Variants in CNTNAP2 observed in about 807,000 individuals in gnomAD.
CNTNAP2 encodes the protein contactin-associated protein-like 2.
Under a neutral mutation model 155.2 loss-of-function variants are expected in CNTNAP2, and 98 were observed. The observed-to-expected ratio is 0.63, with a 90% CI of 0.54 to 0.75. CNTNAP2 has a LOEUF of 0.75. Among genes scored for constraint, CNTNAP2 ranks in the 30% least tolerant of loss-of-function variants. CNTNAP2 has a pLI of 0.00. For synonymous variants in CNTNAP2, 651 were observed against 631.2 expected (o/e 1.03, Z -0.47); for missense variants, 1,727 against 1,688.1 (o/e 1.02, Z -0.40).
intron 13 of CNTNAP2, among the ~76,000 whole-genome samples, chr7:147,693,341 C>G (rs2116994804): frequency 6.6e-6 from 1 of 152,142 alleles, no homozygotes; most frequent in East Asian, 1.9e-4. Context: ...TGCCCCTTTA[C>G]ATAATCTTTA....
chr7:147,658,830 G>A (rs1795570494), intron 13 of CNTNAP2, among the ~76,000 whole-genome samples: 1 of 152,138 alleles, frequency 6.6e-6, no homozygotes, highest in African/African-American at 2.4e-5. Flanking sequence ...CTATAGTTCT[G>A]TTAATGTACT....
intron 3 of CNTNAP2, among the ~76,000 whole-genome samples, chr7:146,849,629 A>C (rs1022267722): frequency 6.6e-6 from 1 of 152,172 alleles, no homozygotes; most frequent in Non-Finnish European, 1.5e-5. Flanking sequence ...AAGCGATATA[A>C]TTGTATTTAC....
chr7:147,694,958 T>C (rs558699336), intron 13 of CNTNAP2, among the ~76,000 whole-genome samples: 1 of 152,186 alleles, frequency 6.6e-6, no homozygotes, highest in Non-Finnish European at 1.5e-5. Context: ...TCTTTTTTTC[T>C]AATATATGCA....
chr7:146,366,462 C>T (rs1259816986), intron 1 of CNTNAP2, among the ~76,000 whole-genome samples: 1 of 151,880 alleles, frequency 6.6e-6, no homozygotes, highest in African/African-American at 2.4e-5. Context: ...GGGAAGAAAC[C>T]GTGTGTCACA....
At chr7:148,177,282 CTG>C (rs757255653) in intron 18 of CNTNAP2, among the ~76,000 whole-genome samples, 3 of 152,106 alleles carry the variant, frequency 2.0e-5, no homozygotes, top group Non-Finnish European at 4.4e-5. Context: ...AATCCAATGA[CTG>C]TGTCTTCATA....
At chr7:146,308,585 C>G (rs866611097) in intron 1 of CNTNAP2, among the ~76,000 whole-genome samples, 1 of 152,106 alleles carries the variant, frequency 6.6e-6, no homozygotes, top group African/African-American at 2.4e-5. Flanking sequence ...ACCCAAACGT[C>G]CATCAATGAT....
chr7:146,970,122 G>C (rs1323596738), intron 3 of CNTNAP2, among the ~76,000 whole-genome samples: 1 of 152,138 alleles, frequency 6.6e-6, no homozygotes, highest in Non-Finnish European at 1.5e-5. Flanking sequence ...AGAAAACCTA[G>C]ACATTACCAT....
At position 146,229,909 on chromosome 7, in the gene CNTNAP2, G is replaced by A. The variant is rs115679365; in HGVS notation, c.97+112936G>A. 9.4e-3 allele frequency among the ~76,000 whole-genome samples: 1,433 copies of A among 152,136 alleles called. 17 individuals are homozygous for A. The highest frequency in any genetic ancestry group is 0.031 in the African/African-American group (1,299 of 41,514). On this transcript the variant is annotated intron_variant, in intron 1 of 23. Transcript: ENST00000361727. ...GAAATATAATTCAGCAGAGTCAATCGTGACTGTTTTGAATATGGTTTACTA... is the reference window on the plus strand; with the variant it reads ...GAAATATAATTCAGCAGAGTCAATCATGACTGTTTTGAATATGGTTTACTA...
At chr7:147,644,731 G>T (rs1795338397) in intron 13 of CNTNAP2, among the ~76,000 whole-genome samples, 1 of 152,144 alleles carries the variant, frequency 6.6e-6, no homozygotes, top group Admixed American at 6.6e-5. Flanking sequence ...AATACTTTTA[G>T]ATAACCAAAA....
chr7:147,295,236 C>A (rs567864438), intron 8 of CNTNAP2, among the ~76,000 whole-genome samples: 1 of 150,982 alleles, frequency 6.6e-6, no homozygotes, highest in Admixed American at 6.6e-5. Flanking sequence ...AGTGTGTGTG[C>A]GCATGCGTGT....
intron 3 of CNTNAP2, among the ~76,000 whole-genome samples, chr7:146,869,908 G>C (rs920369434): frequency 6.6e-6 from 1 of 152,130 alleles, no homozygotes; most frequent in African/African-American, 2.4e-5. Flanking sequence ...GTAACACTCA[G>C]AAACACCCAG....
chr7:147,552,470 A>T (rs1306857681), intron 11 of CNTNAP2, among the ~76,000 whole-genome samples: 1 of 152,120 alleles, frequency 6.6e-6, no homozygotes, highest in East Asian at 1.9e-4. Flanking sequence ...TTTAGAATTA[A>T]CACTTTTTAA....
rs963994841 is a variant in CNTNAP2 at position 148,147,365 on chromosome 7, C to T, written c.2555-126C>T. On this transcript the variant is annotated intron_variant, in intron 16 of 23. Transcript: ENST00000361727. ...CTTCTTCCATTGATTTTGCCATCGA[C>T]CTTTGTAGGACGTGACAGGCTTAGA... The T allele has an allele frequency of 4.3e-6, 4 of 921,710 alleles. No homozygotes were observed. In the African/African-American group the frequency reaches 4.8e-5, roughly 11 times the overall value. 57.1% of individuals were successfully genotyped at this position (921,710 alleles called of 1,614,324 possible).
At chr7:147,821,195 TATTA>T (rs1203716428) in intron 13 of CNTNAP2, among the ~76,000 whole-genome samples, 3 of 152,176 alleles carry the variant, frequency 2.0e-5, no homozygotes, top group Non-Finnish European at 4.4e-5. Flanking sequence ...AACATGACTA[TATTA>T]ATTATGAAAA....
chr7:146,758,046 C>G (rs991866125), intron 1 of CNTNAP2, among the ~76,000 whole-genome samples: 1 of 152,150 alleles, frequency 6.6e-6, no homozygotes, highest in South Asian at 2.1e-4. Flanking sequence ...ACATTGCTTG[C>G]ACTTTCATTC....
At chr7:146,470,544 C>G (rs930054833) in intron 1 of CNTNAP2, among the ~76,000 whole-genome samples, 1 of 151,980 alleles carries the variant, frequency 6.6e-6, no homozygotes, top group Admixed American at 6.6e-5. Flanking sequence ...TTCTTGCTAT[C>G]CCTAACTGCC....
chr7:146,899,569 A>G (rs893078228), intron 3 of CNTNAP2, among the ~76,000 whole-genome samples: 2 of 152,182 alleles, frequency 1.3e-5, no homozygotes, highest in African/African-American at 4.8e-5. Flanking sequence ...CTACCTAACA[A>G]CTTGTAATAA....
chr7:146,997,662 A>G (rs115443085), intron 3 of CNTNAP2, among the ~76,000 whole-genome samples: 2,456 of 152,204 alleles, frequency 0.016, 73 homozygotes, highest in African/African-American at 0.055. Flanking sequence ...AGAATTCAGC[A>G]GTGAAGCCAT....
intron 1 of CNTNAP2, among the ~76,000 whole-genome samples, chr7:146,526,086 A>T (rs1797688074): frequency 6.6e-6 from 1 of 152,146 alleles, no homozygotes; most frequent in African/African-American, 2.4e-5. Context: ...GGGTAAAAAA[A>T]CCAAGCCTGT....
Sources: allele counts gnomAD v4.1 joint callset (sites outside exome capture counted in the v4.1 genomes callset), GRCh38; gene constraint gnomAD v4.1.1; transcripts MANE v1.5; gene names NCBI Gene and HGNC (gene_info 2026-07-23, HGNC 2026-07-21).